PRKN: variants seen among roughly 807,000 people sequenced by gnomAD.
The protein encoded by PRKN is E3 ubiquitin-protein ligase parkin.
Under a neutral mutation model 59.5 loss-of-function variants are expected in PRKN, and 56 were observed. The ratio of observed to expected loss-of-function variants is 0.94; its 90% CI spans 0.76 to 1.18. The LOEUF (loss-of-function observed/expected upper bound fraction) is 1.18. Among genes scored for constraint, PRKN ranks in the 50% most tolerant of loss-of-function variants. The pLI is 0.00. For synonymous variants in PRKN, 250 were observed against 222.1 expected (o/e 1.13, Z -1.12); for missense variants, 657 against 596.4 (o/e 1.10, Z -1.06).
intron 4 of PRKN, among the ~76,000 whole-genome samples, chr6:162,102,010 A>G (rs1289495984): frequency 6.6e-6 from 1 of 152,020 alleles, no homozygotes; most frequent in African/African-American, 2.4e-5. Context: ...CTTTCTTACC[A>G]TGTTTTTCAT....
Position 162,270,888 on chromosome 6 carries a change from C to A in PRKN, c.172-8123G>T, listed in dbSNP as rs1049757020. 3.3e-5 allele frequency among the ~76,000 whole-genome samples: 5 copies of A among 151,978 alleles called. No homozygotes were observed. The South Asian group carries it at 1.0e-3, about 32-fold the overall frequency. ...GGGTCTCACTCTGTTACAGCCCAGG[C>A]TGGAGTGCAGTGGCATGATCAAGGC... is the stretch of plus-strand genomic sequence containing the variant. On this transcript the variant is annotated intron_variant, in intron 2 of 11. Coordinates refer to ENST00000366898, the MANE Select transcript of PRKN (RefSeq NM_004562.3).
At chr6:161,779,596 C>T (rs144203321) in intron 7 of PRKN, among the ~76,000 whole-genome samples, 12 of 151,636 alleles carry the variant, frequency 7.9e-5, no homozygotes, top group Non-Finnish European at 1.8e-4. Context: ...AGGCATGTGC[C>T]ACCACACCTA....
At chr6:161,711,128 A>G (rs1282258568) in intron 7 of PRKN, among the ~76,000 whole-genome samples, 2 of 152,172 alleles carry the variant, frequency 1.3e-5, no homozygotes, top group South Asian at 4.1e-4. Context: ...GAGAGGGGTC[A>G]TATCATCTGA....
At chr6:162,407,249 AAAT>A (rs1788117738) in intron 2 of PRKN, among the ~76,000 whole-genome samples, 1 of 152,154 alleles carries the variant, frequency 6.6e-6, no homozygotes, top group African/African-American at 2.4e-5. Flanking sequence ...AGCTTCAGCT[AAAT>A]AATGCCAGGG....
intron 1 of PRKN, among the ~76,000 whole-genome samples, chr6:162,655,877 G>C (rs1180004449): frequency 1.3e-5 from 2 of 152,158 alleles, no homozygotes; most frequent in East Asian, 3.9e-4. Flanking sequence ...AATGTAAACT[G>C]ACTTTTAATT....
At chr6:162,420,313 T>C (rs1003834676) in intron 2 of PRKN, among the ~76,000 whole-genome samples, 1 of 152,152 alleles carries the variant, frequency 6.6e-6, no homozygotes, top group Admixed American at 6.5e-5. Context: ...TACCATAGCC[T>C]GAGATCAAAA....
intron 7 of PRKN, among the ~76,000 whole-genome samples, chr6:161,594,977 T>G (rs1781862361): frequency 6.6e-6 from 1 of 152,086 alleles, no homozygotes. Context: ...GAACACTGGT[T>G]GGGGGGGTCC....
At chr6:161,995,485 G>A (rs1025462507) in intron 5 of PRKN, among the ~76,000 whole-genome samples, 1 of 151,980 alleles carries the variant, frequency 6.6e-6, no homozygotes, top group Non-Finnish European at 1.5e-5. Context: ...TAGAATGGGA[G>A]AAAATATCTC....
intron 1 of PRKN, among the ~76,000 whole-genome samples, chr6:162,692,267 T>C (rs1326666221): frequency 1.3e-5 from 2 of 151,958 alleles, no homozygotes; most frequent in East Asian, 3.9e-4. Context: ...AAGGGTTAAC[T>C]TAGCAGTCTT....
At chr6:162,028,467 G>A (rs531225534) in intron 5 of PRKN, among the ~76,000 whole-genome samples, 5 of 152,336 alleles carry the variant, frequency 3.3e-5, no homozygotes, top group Admixed American at 3.3e-4. Flanking sequence ...CATTGATGAC[G>A]GAGCCCTGGG....
chr6:162,089,755 A>T (rs535889098), intron 4 of PRKN, among the ~76,000 whole-genome samples: 4 of 152,342 alleles, frequency 2.6e-5, no homozygotes, highest in African/African-American at 9.6e-5. Flanking sequence ...GAACTTTTAA[A>T]CGTCATAAGC....
chr6:162,499,628 T>C (rs1054842586), intron 1 of PRKN, among the ~76,000 whole-genome samples: 25 of 152,302 alleles, frequency 1.6e-4, no homozygotes, highest in African/African-American at 3.1e-4. Flanking sequence ...TGAAAGACTT[T>C]TGGAAAATTA....
chr6:161,733,783 A>AAAATATAT (rs35360887), intron 7 of PRKN, among the ~76,000 whole-genome samples: 2 of 86,228 alleles, frequency 2.3e-5, no homozygotes, highest in African/African-American at 1.8e-4. Flanking sequence ...AAAAAAAAAA[A>AAAATATAT]ATATATATAT....
chr6:162,395,225 C>G (rs141694471), intron 2 of PRKN, among the ~76,000 whole-genome samples: 75 of 152,234 alleles, frequency 4.9e-4, no homozygotes, highest in African/African-American at 1.7e-3. Flanking sequence ...CCTGTGTGAT[C>G]AATACAATAT....
In PRKN at chr6:161,537,620, T is replaced by C. The variant is rs1779463943; in HGVS notation, c.1083+11234A>G. ...GCACCCGCCACCATGCTCGGCTAAT[T>C]TTTTGTGTTTTTAGTAGAGACGGGG... On this transcript the variant is annotated intron_variant, in intron 9 of 11. Coordinates refer to ENST00000366898, the MANE Select transcript of PRKN (RefSeq NM_004562.3). Among the ~76,000 whole-genome samples the C allele has an allele frequency of 2.0e-5, 3 of 151,974 alleles. No individual in the cohort carries two copies. The South Asian group carries it at 6.3e-4, about 32-fold the overall frequency.
intron 6 of PRKN, among the ~76,000 whole-genome samples, chr6:161,904,322 T>C (rs1249808420): frequency 7.1e-6 from 1 of 140,338 alleles, no homozygotes; most frequent in African/African-American, 2.7e-5. Context: ...TTTTTTTTTT[T>C]TTTTTTTTTT....
intron 3 of PRKN, among the ~76,000 whole-genome samples, chr6:162,213,023 G>A (rs1263001247): frequency 6.6e-6 from 1 of 152,102 alleles, no homozygotes; most frequent in South Asian, 2.1e-4. Context: ...ATGTCTTTAT[G>A]TGGTGCATGA....
In PRKN at chr6:161,550,457, C is replaced by T. The variant is rs1177775557; in HGVS notation, c.934-1454G>A. On this transcript the variant is annotated intron_variant, in intron 8 of 11. Coordinates refer to ENST00000366898, the MANE Select transcript of PRKN (RefSeq NM_004562.3). This position sits in a 1 kb window ranked among gnomAD's most constrained non-coding sequence, Gnocchi z 4.0. ...AGGCAGGAAGCAGAGAAGCTTATGT[C>T]AACATCTATGACGTAAGCTAGGAGC... Among the ~76,000 whole-genome samples, 1 of 151,158 alleles carries T rather than the reference C, an allele frequency of 6.6e-6. No homozygotes were observed. Among genetic ancestry groups the T allele is most frequent in the Non-Finnish European group, 1.5e-5 (1 of 67,968 alleles).
chr6:162,080,529 G>A (rs1414192310), intron 4 of PRKN, among the ~76,000 whole-genome samples: 3 of 152,224 alleles, frequency 2.0e-5, no homozygotes, highest in African/African-American at 7.2e-5. Context: ...GCACTATACT[G>A]TAGTTTGTTA....
Sources: gnomAD v4.1 joint callset for allele counts (sites outside exome capture counted in the v4.1 genomes callset) on GRCh38, gnomAD v4.1.1 for gene constraint, Gnocchi (gnomAD v3.1) non-coding constraint, MANE v1.5 for transcripts, NCBI Gene and HGNC (gene_info 2026-07-23, HGNC 2026-07-21) for gene names.